The following STRN4 variants were observed in gnomAD, a reference collection of about 807,000 sequenced individuals.
The protein encoded by STRN4 is striatin-4.
In STRN4, 27 loss-of-function variants were observed where a neutral mutation model predicts 77.9. The ratio of observed to expected loss-of-function variants is 0.35; its 90% CI spans 0.26 to 0.48. STRN4 has a LOEUF of 0.48. Among genes scored for constraint, STRN4 ranks in the 20% least tolerant of loss-of-function variants. STRN4 has a pLI of 0.99. For synonymous variants in STRN4, 466 were observed against 443.1 expected (o/e 1.05, Z -0.65); for missense variants, 798 against 1,049.7 (o/e 0.76, Z 3.31).
At chr19:46,727,743 G>A (rs568760988) in intron 8 of STRN4, 151 bp downstream of exon 8, 58 of 772,210 alleles carry the variant, frequency 7.5e-5, no homozygotes, top group African/African-American at 1.1e-4. Flanking sequence ...AAGAGAGGGA[G>A]ACAGACAGAC....
chr19:46,720,710 C>A lies in STRN4; in HGVS notation c.2154G>T (p.Thr718=). The A allele has an allele frequency of 6.2e-7, 1 of 1,610,344 alleles. No homozygotes were observed. Among genetic ancestry groups the A allele is most frequent in the Non-Finnish European group, 8.5e-7 (1 of 1,178,044 alleles). The change falls in exon 17 of 18, where the codon ACG becomes ACT. Residue 718 remains threonine, a synonymous_variant. Coordinates refer to ENST00000263280, the MANE Select transcript of STRN4 (RefSeq NM_013403.3). ...LDNKTCVQEI[T]AHRKKHEEAI... ...CCTCCTCGTGCTTCTTGCGGTGGGC[C>A]GTGATCTCCTGCACGCACGTTTTGT...
intron 16 of STRN4, chr19:46,721,742 TG>T (rs1187158891): frequency 2.0e-6 from 1 of 495,956 alleles, no homozygotes; most frequent in African/African-American, 1.9e-5. Flanking sequence ...ATCTGTAAAC[TG>T]GGGATCAAAG....
intron 5 of STRN4, chr19:46,731,360 G>A (rs911061827): frequency 7.0e-5 from 12 of 171,250 alleles, no homozygotes; most frequent in Non-Finnish European, 1.4e-4. Flanking sequence ...GGGCGCCGGC[G>A]ATCCCTGCTA....
Position 46,733,098 on chromosome 19 carries a change from A to G in STRN4, c.678T>C (p.Pro226=). ...GCGACTCCCCACCACTGAGCCCTGCAGGGCCTGGTGGAGCCCTGGGGGCCC... is the reference window on the plus strand; with the variant it reads ...GCGACTCCCCACCACTGAGCCCTGCGGGGCCTGGTGGAGCCCTGGGGGCCC... ...SEGAPRAPPG[P]AGLSGGESLL... Residue 226 remains proline, a synonymous_variant, in exon 5 of 18, where the codon CCT becomes CCC. Coordinates refer to ENST00000263280, the MANE Select transcript of STRN4 (RefSeq NM_013403.3). The surrounding 1 kb of genome is among the most constrained non-coding windows in gnomAD (Gnocchi z 4.3). The G allele has an allele frequency of 1.9e-6, 3 of 1,613,580 alleles. No individual in the cohort carries two copies. In the East Asian group the frequency reaches 6.7e-5, roughly 36 times the overall value.
chr19:46,738,384 C>T lies in STRN4; in HGVS notation c.387-147G>A. 1.2e-6 allele frequency: 1 copy of T among 814,442 alleles called. No individual in the cohort carries two copies. Among genetic ancestry groups the T allele is most frequent in the Non-Finnish European group, 2.0e-6 (1 of 495,512 alleles). The allele number at this position is 814,442 out of a possible 1,614,324, so 50.5% of individuals were successfully genotyped here. On this transcript the variant is annotated intron_variant, in intron 2 of 17. Coordinates refer to ENST00000263280, the MANE Select transcript of STRN4 (RefSeq NM_013403.3). The surrounding 1 kb of genome is among the most constrained non-coding windows in gnomAD (Gnocchi z 4.5). ...GAGGCTGAAGCATCCCCCCACACCC[C>T]TGGCCTGGTGGAAGAAACCACTCCC...
intron 8 of STRN4, 42 bp downstream of exon 8, chr19:46,727,852 A>G: frequency 1.3e-6 from 2 of 1,517,504 alleles, no homozygotes; most frequent in Non-Finnish European, 1.8e-6. Flanking sequence ...TCCCTCTGCC[A>G]TGGGCCCGCA....
chr19:46,720,792 G>A (rs776891473), intron 16 of STRN4, 21 bp from the exon 17 acceptor site: 4 of 1,533,620 alleles, frequency 2.6e-6, no homozygotes, highest in Admixed American at 3.8e-5. Flanking sequence ...GTCGGGGACA[G>A]AAGGGGTGGT....
chr19:46,731,061 A>G, intron 5 of STRN4, 188 bp from the exon 6 acceptor site: 1 of 788,528 alleles, frequency 1.3e-6, no homozygotes. Context: ...GCTCATTCCA[A>G]CTGGAAGCCT....
Position 46,719,764 on chromosome 19 carries a change from G to A in STRN4, c.*641C>T, listed in dbSNP as rs1314138847. ...ATATACAGGGAGTTCAGGGGGACCC[G>A]AGGCCCACTCCACCCTCCATGCCCC... On this transcript the variant is annotated 3_prime_UTR_variant, in exon 18 of 18. Transcript: ENST00000263280. 11 of 152,344 alleles carry A rather than the reference G, an allele frequency of 7.2e-5. 1 individual carries two copies. The highest frequency in any genetic ancestry group is 4.6e-4 in the Admixed American group (7 of 15,278). The allele number at this position is 152,344 out of a possible 1,614,324, so 9.4% of individuals were successfully genotyped here.
chr19:46,736,824 G>C lies in STRN4; in HGVS notation c.538C>G (p.Gln180Glu). Reference sequence around the variant, plus strand: ...GCCCCCCTCCCCGAGCACACTCACTGTCGGAGAAGCTGCCGCCCCTCCTTC... The same window carrying C: ...GCCCCCCTCCCCGAGCACACTCACTCTCGGAGAAGCTGCCGCCCCTCCTTC... ...VWKEGRQLLR[Q>E]YLEEVGYTDT... Residue 180 changes from glutamine (Q) to glutamate (E), a missense_variant and splice_region_variant, in exon 4 of 18, where the codon CAG (glutamine) becomes GAG (glutamate). This residue lies in a region of STRN4 where 511 missense variants were observed against 575.9 expected (regional missense o/e 0.89). Transcript: ENST00000263280. 1 of 1,611,648 alleles carries C rather than the reference G, an allele frequency of 6.2e-7. No homozygotes were observed. Among genetic ancestry groups the C allele is most frequent in the Non-Finnish European group, 8.5e-7 (1 of 1,178,802 alleles).
In STRN4 at chr19:46,722,402, A is replaced by C. The variant is rs1282565063; in HGVS notation, c.1907-62T>G. 3.9e-6 allele frequency: 6 copies of C among 1,540,564 alleles called. No individual in the cohort carries two copies. In the East Asian group the frequency reaches 6.8e-5, roughly 17 times the overall value. ...CAGAAAATCAGGAAGACCAGAACAG[A>C]GGCACAAGCGCAGCGTGACAGCCCC... On this transcript the variant is annotated intron_variant, in intron 14 of 17. Coordinates refer to ENST00000263280, the MANE Select transcript of STRN4 (RefSeq NM_013403.3).
intron 9 of STRN4, among the ~76,000 whole-genome samples, chr19:46,726,761 C>A (rs904747510): frequency 6.6e-6 from 1 of 152,132 alleles, no homozygotes; most frequent in Non-Finnish European, 1.5e-5. Context: ...GACGTCCCTG[C>A]CTTAGCTGTC....
chr19:46,731,212 C>G (rs1162058425), intron 5 of STRN4, among the ~76,000 whole-genome samples: 5 of 152,230 alleles, frequency 3.3e-5, no homozygotes, highest in Admixed American at 2.0e-4. Context: ...ACTGACTCAG[C>G]AGTCCCCATT....
At chr19:46,731,477 C>T (rs2054252345) in intron 5 of STRN4, 1 of 153,232 alleles carries the variant, frequency 6.5e-6, no homozygotes, top group African/African-American at 2.4e-5. Context: ...CCCAGCCTGA[C>T]TGCGGGAGAA....
In STRN4 at chr19:46,746,202, C is replaced by T. The variant is rs1189366422; in HGVS notation, c.229G>A (p.Ala77Thr). 6 of 1,539,498 alleles carry T rather than the reference C, an allele frequency of 3.9e-6. No individual in the cohort carries two copies. The highest frequency in any genetic ancestry group is 3.5e-6 in the Non-Finnish European group (4 of 1,151,474). The change falls in exon 1 of 18, where the codon GCG (alanine) becomes ACG (threonine). Residue 77 changes from alanine to threonine, a missense_variant. Physicochemically the swap from Ala to Thr is moderately conservative, Grantham distance 58. Transcript: ENST00000263280. ...CGGGCTTTCTCGGCTTCGAAGCGCG[C>T]CCACTCGTGCTGGATAAAGTGCAGG... Reference protein sequence around the residue: ...GILHFIQHEWARFEAEKARWE... With the variant: ...GILHFIQHEWTRFEAEKARWE...
intron 5 of STRN4, 161 bp from the exon 6 acceptor site, chr19:46,731,034 G>T: frequency 1.0e-6 from 1 of 961,260 alleles, no homozygotes; most frequent in Non-Finnish European, 1.5e-6. Context: ...CCCAACCCCA[G>T]CCTCTGCCCA....
chr19:46,740,841 G>C (rs953755870), intron 1 of STRN4, among the ~76,000 whole-genome samples: 3 of 152,136 alleles, frequency 2.0e-5, no homozygotes, highest in African/African-American at 7.2e-5. Flanking sequence ...CGGGAGCGAA[G>C]GACGCTATGG....
rs781771966 is a variant in STRN4 at position 46,733,257 on chromosome 19, G to A, written c.540-21C>T. ...GGTACCTGCAGGGGTGCAGAGCCAC[G>A]TGGGTCAGACATCCCCTGGGCTTCT... is the stretch of plus-strand genomic sequence containing the variant. On this transcript the variant is annotated intron_variant, in intron 4 of 17. Coordinates refer to ENST00000263280, the MANE Select transcript of STRN4 (RefSeq NM_013403.3). The surrounding 1 kb of genome is among the most constrained non-coding windows in gnomAD (Gnocchi z 4.3). The A allele has an allele frequency of 5.6e-6, 9 of 1,603,908 alleles. No individual in the cohort carries two copies. Among genetic ancestry groups the A allele is most frequent in the African/African-American group, 4.0e-5 (3 of 74,848 alleles).
At chr19:46,729,265 A>C (rs1017069060) in intron 6 of STRN4, among the ~76,000 whole-genome samples, 2 of 151,996 alleles carry the variant, frequency 1.3e-5, no homozygotes, top group African/African-American at 4.8e-5. Flanking sequence ...TTAACCCCCA[A>C]CCCTGCGAAC....
Sources: gnomAD v4.1 joint callset for allele counts (sites outside exome capture counted in the v4.1 genomes callset) on GRCh38, gnomAD v4.1.1 for gene constraint, gnomAD v4.1.1 regional missense constraint, Gnocchi (gnomAD v3.1) non-coding constraint, MANE v1.5 for transcripts, NCBI Gene and HGNC (gene_info 2026-07-23, HGNC 2026-07-21) for gene names.